NPNT: variants seen among roughly 807,000 people sequenced by gnomAD.
NPNT encodes preosteoblast EGF-like repeat protein with MAM domain.
NPNT carries 45 observed loss-of-function variants against 68.6 expected under a neutral mutation model. The ratio of observed to expected loss-of-function variants is 0.66; its 90% CI spans 0.52 to 0.84. The LOEUF (loss-of-function observed/expected upper bound fraction) is 0.84. Among genes scored for constraint, NPNT ranks in the 40% least tolerant of loss-of-function variants. The probability of loss-of-function intolerance (pLI) is 0.00; values close to 1 mark genes in which losing one functional copy is unlikely to be tolerated. For missense variants in NPNT, 672 were observed against 714.8 expected (o/e 0.94, Z 0.68); for synonymous variants, 233 against 253.3 (o/e 0.92, Z 0.76).
chr4:105,966,417 A>G (rs1324530624), intron 10 of NPNT, among the ~76,000 whole-genome samples: 2 of 152,232 alleles, frequency 1.3e-5, no homozygotes, highest in Non-Finnish European at 2.9e-5. Context: ...AAAGTGGTCT[A>G]TCTAAAGTGA....
chr4:105,920,350 C>CA (rs1236844242), intron 2 of NPNT, among the ~76,000 whole-genome samples: 1 of 115,750 alleles, frequency 8.6e-6, no homozygotes, highest in Non-Finnish European at 1.7e-5. Context: ...TATTTAGAAA[C>CA]AAAGATCCAG....
intron 3 of NPNT, chr4:105,932,703 G>A (rs1283775919): frequency 6.5e-7 from 1 of 1,534,248 alleles, no homozygotes; most frequent in African/African-American, 1.4e-5. Context: ...GCCTTCAAGG[G>A]GTGAGCGTGC....
At chr4:105,917,084 C>G (rs1459769449) in intron 2 of NPNT, among the ~76,000 whole-genome samples, 1 of 152,154 alleles carries the variant, frequency 6.6e-6, no homozygotes. Flanking sequence ...CTGATTGTGT[C>G]ATCTACTGCT....
chr4:105,958,610 A>T, intron 9 of NPNT, 53 bp downstream of exon 9: 1 of 1,031,060 alleles, frequency 9.7e-7, no homozygotes, highest in East Asian at 2.6e-5. Context: ...GTTTCTCTCC[A>T]TGAAAATAAC....
chr4:105,966,778 T>A (rs892243034), intron 10 of NPNT, among the ~76,000 whole-genome samples: 2 of 152,100 alleles, frequency 1.3e-5, no homozygotes, highest in African/African-American at 4.8e-5. Context: ...AAATTCTCCC[T>A]AGAAATTTAG....
intron 2 of NPNT, among the ~76,000 whole-genome samples, chr4:105,900,102 C>G (rs139015664): frequency 6.6e-6 from 1 of 152,232 alleles, no homozygotes; most frequent in African/African-American, 2.4e-5. Context: ...CAAAGAACTT[C>G]TAGCGAATTT....
At position 105,919,414 on chromosome 4, in the gene NPNT, TA is replaced by T. The variant is rs1728068831; in HGVS notation, c.173-7921del. On this transcript the variant is annotated intron_variant, in intron 2 of 11. Transcript: ENST00000379987. ...ATCATTTCACACTTAAAAAATTTAG[TA>T]TTGATATAATAATGCTATGTAATAA... Among the ~76,000 whole-genome samples the T allele has an allele frequency of 2.0e-5, 3 of 152,264 alleles. No individual in the cohort carries two copies. The South Asian group carries it at 6.2e-4, about 32-fold the overall frequency.
At chr4:105,898,144 C>A (rs974795600) in intron 2 of NPNT, 143 bp downstream of exon 2, 1 of 511,674 alleles carries the variant, frequency 2.0e-6, no homozygotes, top group African/African-American at 2.0e-5. Flanking sequence ...CAGGTACAGT[C>A]CAGACTCCTT....
intron 7 of NPNT, among the ~76,000 whole-genome samples, chr4:105,941,966 ATTGG>A (rs1305190437): frequency 4.6e-5 from 7 of 152,074 alleles, no homozygotes; most frequent in Non-Finnish European, 8.8e-5. Context: ...AAAAATTCTC[ATTGG>A]TTGTTGTCTG....
chr4:105,897,102 C>A (rs1013460016), intron 1 of NPNT, among the ~76,000 whole-genome samples: 1 of 152,064 alleles, frequency 6.6e-6, no homozygotes, highest in African/African-American at 2.4e-5. Context: ...TGTTGATACC[C>A]AGAGGAAAAA....
intron 3 of NPNT, among the ~76,000 whole-genome samples, chr4:105,931,613 A>C (rs1256307055): frequency 6.6e-6 from 1 of 150,458 alleles, no homozygotes; most frequent in Admixed American, 6.7e-5. Context: ...TCACGAGGTC[A>C]GGATATCGAG....
At chr4:105,898,370 C>A (rs1726115033) in intron 2 of NPNT, among the ~76,000 whole-genome samples, 1 of 128,160 alleles carries the variant, frequency 7.8e-6, no homozygotes, top group East Asian at 2.0e-4. Context: ...CTCTCTCTCT[C>A]TCTCTCTCTC....
At chr4:105,952,346 A>G (rs1381810033) in intron 8 of NPNT, among the ~76,000 whole-genome samples, 1 of 152,214 alleles carries the variant, frequency 6.6e-6, no homozygotes, top group East Asian at 1.9e-4. Flanking sequence ...AATATTTAGA[A>G]TACTGTGTTT....
At chr4:105,958,371 A>G (rs2149400690) in intron 8 of NPNT, 100 bp from the exon 9 acceptor site, 1 of 557,202 alleles carries the variant, frequency 1.8e-6, no homozygotes, top group East Asian at 3.0e-5. Context: ...GATGAATAAA[A>G]TGACTAGGCC....
At chr4:105,940,435 T>G in intron 6 of NPNT, 79 bp from the exon 7 acceptor site, 2 of 1,435,802 alleles carry the variant, frequency 1.4e-6, no homozygotes, top group Non-Finnish European at 1.9e-6. Context: ...AAAAAATCAT[T>G]TTTGAAACTG....
intron 2 of NPNT, among the ~76,000 whole-genome samples, chr4:105,898,837 A>G (rs959255583): frequency 6.6e-6 from 1 of 152,202 alleles, no homozygotes; most frequent in African/African-American, 2.4e-5. Flanking sequence ...CTGCAAAAAA[A>G]TAGTCTTCAA....
At chr4:105,942,273 G>T in intron 7 of NPNT, 34 bp from the exon 8 acceptor site, 1 of 1,536,728 alleles carries the variant, frequency 6.5e-7, no homozygotes, top group Non-Finnish European at 8.8e-7. Context: ...GGGAGGAATG[G>T]TTACATACTG....
chr4:105,960,334 AAC>A (rs1731623721), intron 10 of NPNT, among the ~76,000 whole-genome samples: 1 of 152,214 alleles, frequency 6.6e-6, no homozygotes, highest in Non-Finnish European at 1.5e-5. Context: ...TGATATCTTA[AAC>A]CAGCTCTTCT....
chr4:105,966,022 G>GAAC (rs2149412754), intron 10 of NPNT, among the ~76,000 whole-genome samples: 1 of 152,014 alleles, frequency 6.6e-6, no homozygotes, highest in South Asian at 2.1e-4. Flanking sequence ...TGTTAGAGAA[G>GAAC]ACACTGGAAT....
Sources: allele counts gnomAD v4.1 joint callset (sites outside exome capture counted in the v4.1 genomes callset), GRCh38; gene constraint gnomAD v4.1.1; transcripts MANE v1.5; gene names NCBI Gene and HGNC (gene_info 2026-07-23, HGNC 2026-07-21).